DISP1: variants seen among roughly 807,000 people sequenced by gnomAD.
DISP1 encodes the protein protein dispatched homolog 1.
Under a neutral mutation model 37.3 loss-of-function variants are expected in DISP1, and 30 were observed. The observed-to-expected ratio is 0.80, with a 90% CI of 0.60 to 1.09. The LOEUF (loss-of-function observed/expected upper bound fraction) is 1.09, where lower values mean the gene tolerates loss of function less well. DISP1 is among the 50% of genes least tolerant of loss of function. DISP1 has a pLI of 0.00. For synonymous variants in DISP1, 634 were observed against 690.2 expected (o/e 0.92, Z 1.28); for missense variants, 1,598 against 1,879.5 (o/e 0.85, Z 2.77).
At chr1:222,824,222 G>C (rs1663707300) in intron 1 of DISP1, among the ~76,000 whole-genome samples, 1 of 152,014 alleles carries the variant, frequency 6.6e-6, no homozygotes, top group African/African-American at 2.4e-5. Context: ...CAGTAAATGT[G>C]TCCTACTTGT....
rs937578642 is a variant in DISP1, at chr1:222,885,470, T to C, written c.-158-42960T>C. Among the ~76,000 whole-genome samples the C allele has an allele frequency of 6.9e-5, 9 of 129,906 alleles. No homozygotes were observed. In the East Asian group the frequency reaches 1.9e-3, roughly 28 times the overall value. The allele number at this position is 129,906 out of a possible 152,430, so 85.2% of individuals were successfully genotyped here. A position where few individuals can be genotyped will look rare whatever the true frequency, so the allele number is the denominator to read the frequency against. Reference sequence around the variant, plus strand: ...CTCCAAGGAGCCCTGATTTCTTTTCTTTTTTTTTTTTTTTTTGAGACAAGA... The same window carrying C: ...CTCCAAGGAGCCCTGATTTCTTTTCCTTTTTTTTTTTTTTTTGAGACAAGA... On this transcript the variant is annotated intron_variant, in intron 1 of 8. Transcript: ENST00000675850.
intron 1 of DISP1, among the ~76,000 whole-genome samples, chr1:222,857,050 A>G (rs34873092): frequency 0.2 from 29,995 of 152,054 alleles, 3,565 homozygotes; most frequent in Non-Finnish European, 0.26. Flanking sequence ...CATTCAAAAT[A>G]TTATCACCAA....
chr1:222,850,667 C>G (rs529396535), intron 1 of DISP1, among the ~76,000 whole-genome samples: 1 of 152,216 alleles, frequency 6.6e-6, no homozygotes, highest in South Asian at 2.1e-4. Context: ...CATTTAGCTC[C>G]CTCTTATAAG....
intron 1 of DISP1, among the ~76,000 whole-genome samples, chr1:222,923,329 T>C (rs1272655269): frequency 1.3e-5 from 2 of 152,170 alleles, no homozygotes; most frequent in Non-Finnish European, 2.9e-5. Context: ...GAACTGCATA[T>C]GACTCTTGAG....
chr1:222,871,970 C>G (rs1288767265), intron 1 of DISP1, among the ~76,000 whole-genome samples: 3 of 152,028 alleles, frequency 2.0e-5, no homozygotes, highest in Admixed American at 6.6e-5. Flanking sequence ...CCATCAATAC[C>G]TAATTTATTG....
chr1:222,960,601 G>T (rs983909826), intron 3 of DISP1, among the ~76,000 whole-genome samples: 2 of 151,894 alleles, frequency 1.3e-5, no homozygotes, highest in Non-Finnish European at 2.9e-5. Context: ...GCTAGCAGAA[G>T]ACAAGAAATG....
Position 222,929,522 on chromosome 1 carries a change from G to A in DISP1, c.-18+952G>A, listed in dbSNP as rs538988965. Among the ~76,000 whole-genome samples, 551 of 152,150 alleles carry A rather than the reference G, an allele frequency of 3.6e-3. 4 individuals carry two copies. The highest frequency in any genetic ancestry group is 0.027 in the East Asian group (138 of 5,182). ...AATTTTACAAATAGGTATTCTTGTT[G>A]AACGAAGAAGAAGGAAATGTGTCCT... is the stretch of plus-strand genomic sequence containing the variant. On this transcript the variant is annotated intron_variant, in intron 2 of 8. Transcript: ENST00000675850.
At chr1:222,994,507 T>C (rs1406945887) in intron 7 of DISP1, among the ~76,000 whole-genome samples, 2 of 152,176 alleles carry the variant, frequency 1.3e-5, no homozygotes, top group African/African-American at 4.8e-5. Flanking sequence ...AATCCATTCT[T>C]GGTATTCCCT....
chr1:222,816,762 G>C (rs1661341011), intron 1 of DISP1, among the ~76,000 whole-genome samples: 1 of 152,280 alleles, frequency 6.6e-6, no homozygotes, highest in South Asian at 2.1e-4. Context: ...ACATGTAAAT[G>C]AGCATATTGA....
At chr1:222,990,852 C>A in intron 5 of DISP1, 104 bp downstream of exon 5, 1 of 1,447,210 alleles carries the variant, frequency 6.9e-7, no homozygotes, top group Non-Finnish European at 9.6e-7. Flanking sequence ...CTTTAAAAAC[C>A]TTCTCAAGCA....
At chr1:222,859,601 G>A (rs561236266) in intron 1 of DISP1, among the ~76,000 whole-genome samples, 3 of 152,242 alleles carry the variant, frequency 2.0e-5, no homozygotes, top group East Asian at 3.9e-4. Flanking sequence ...AAAGGCTCTT[G>A]GATATTTCAA....
At chr1:222,867,351 T>A (rs1333150233) in intron 1 of DISP1, among the ~76,000 whole-genome samples, 1 of 152,204 alleles carries the variant, frequency 6.6e-6, no homozygotes, top group East Asian at 1.9e-4. Context: ...GAATTGACCA[T>A]TATAGTTGTG....
chr1:222,837,036 A>G (rs1667235475), intron 1 of DISP1: 1 of 398,556 alleles, frequency 2.5e-6, no homozygotes, highest in East Asian at 3.6e-5. Context: ...AAGCTAGCCC[A>G]TGACTACACA....
chr1:222,968,880 C>T (rs1676701228), intron 3 of DISP1, among the ~76,000 whole-genome samples: 1 of 152,000 alleles, frequency 6.6e-6, no homozygotes, highest in Non-Finnish European at 1.5e-5. Context: ...TTGCAGTGAG[C>T]TGAGATAGTA....
At chr1:222,954,096 A>G (rs941394904) in intron 3 of DISP1, among the ~76,000 whole-genome samples, 1 of 152,172 alleles carries the variant, frequency 6.6e-6, no homozygotes, top group African/African-American at 2.4e-5. Flanking sequence ...TTAAAAAAAA[A>G]ATTCAAAAGG....
chr1:222,881,456 A>G (rs539539803), intron 1 of DISP1, among the ~76,000 whole-genome samples: 2 of 152,296 alleles, frequency 1.3e-5, no homozygotes, highest in Admixed American at 1.3e-4. Flanking sequence ...TCGGCCTCCC[A>G]AAGTGCTGGG....
Position 222,942,998 on chromosome 1 carries a change from A to C in DISP1, c.175A>C (p.Asn59His). The change falls in exon 3 of 9, where the codon AAT becomes CAT. Residue 59 changes from asparagine to histidine, a missense_variant. Coordinates refer to ENST00000675850, the MANE Select transcript of DISP1 (RefSeq NM_001377229.1). ...GAGTCCAAATGGATGCCTGCAACTT[A>C]ATGGCACGGTCAAATCATCCTTTCT... ...KVSPNGCLQL[N>H]GTVKSSFLPL... The C allele has an allele frequency of 6.2e-7, 1 of 1,614,240 alleles. No individual in the cohort carries two copies. The highest frequency in any genetic ancestry group is 1.3e-5 in the African/African-American group (1 of 75,060).
intron 1 of DISP1, among the ~76,000 whole-genome samples, chr1:222,880,273 T>C (rs535134342): frequency 2.0e-5 from 3 of 152,268 alleles, no homozygotes; most frequent in African/African-American, 7.2e-5. Flanking sequence ...ATAAAAAAGA[T>C]TGGAAATATA....
intron 1 of DISP1, among the ~76,000 whole-genome samples, chr1:222,922,262 C>A (rs1365303896): frequency 6.6e-6 from 1 of 152,032 alleles, no homozygotes; most frequent in Non-Finnish European, 1.5e-5. Flanking sequence ...TGAAGAGCAG[C>A]TTGATCAGAT....
Sources: allele counts gnomAD v4.1 joint callset (sites outside exome capture counted in the v4.1 genomes callset), GRCh38; gene constraint gnomAD v4.1.1; transcripts MANE v1.5; gene names NCBI Gene and HGNC (gene_info 2026-07-23, HGNC 2026-07-21).